The following CNTN1 variants were observed in gnomAD, a reference collection of about 807,000 sequenced individuals.
The protein encoded by CNTN1 is contactin 1, also known as contactin-1.
CNTN1 carries 38 observed loss-of-function variants against 126.4 expected under a neutral mutation model. The ratio of observed to expected loss-of-function variants is 0.30; its 90% CI spans 0.23 to 0.39. The LOEUF is 0.39. Among genes scored for constraint, CNTN1 ranks in the 10% least tolerant of loss-of-function variants. The probability of loss-of-function intolerance (pLI) is 1.00; values close to 1 mark genes in which losing one functional copy is unlikely to be tolerated. For missense variants in CNTN1, 1,009 were observed against 1,248.4 expected, an observed-to-expected ratio of 0.81 and a Z score of 2.89; for synonymous variants, 413 against 422.6, an observed-to-expected ratio of 0.98 and a Z score of 0.28.
At chr12:40,877,947 A>G (rs1943725643) in intron 1 of CNTN1, among the ~76,000 whole-genome samples, 1 of 141,884 alleles carries the variant, frequency 7.0e-6, no homozygotes, top group South Asian at 2.2e-4. Flanking sequence ...CCATCCTGCT[A>G]TCTTCACCTC....
chr12:40,884,645 CAAATA>C (rs1943971208), intron 1 of CNTN1, among the ~76,000 whole-genome samples: 4 of 151,460 alleles, frequency 2.6e-5, no homozygotes, highest in Admixed American at 2.6e-4. Flanking sequence ...CAAATTTTAT[CAAATA>C]AAATATATAT....
intron 1 of CNTN1, among the ~76,000 whole-genome samples, chr12:40,753,814 C>T (rs751874211): frequency 6.6e-6 from 1 of 152,006 alleles, no homozygotes; most frequent in East Asian, 1.9e-4. Context: ...ATTTTATAAC[C>T]TGCACATAGA....
chr12:41,051,466 T>C (rs1468104927), intron 23 of CNTN1, among the ~76,000 whole-genome samples: 1 of 152,056 alleles, frequency 6.6e-6, no homozygotes, highest in Non-Finnish European at 1.5e-5. Context: ...TGTGATCTTA[T>C]ATAATTAATT....
At chr12:40,791,847 G>A (rs906447583) in intron 1 of CNTN1, among the ~76,000 whole-genome samples, 1 of 152,094 alleles carries the variant, frequency 6.6e-6, no homozygotes, top group Admixed American at 6.6e-5. Context: ...CAATGATTGG[G>A]AGAGATGTTT....
intron 16 of CNTN1, 88 bp downstream of exon 16, chr12:40,981,155 C>A: frequency 1.6e-6 from 2 of 1,263,892 alleles, no homozygotes; most frequent in Non-Finnish European, 2.3e-6. Context: ...TTAAAAATGT[C>A]ATTATCTACC....
intron 1 of CNTN1, among the ~76,000 whole-genome samples, chr12:40,886,078 A>G (rs1565884654): frequency 6.6e-6 from 1 of 152,068 alleles, no homozygotes; most frequent in Non-Finnish European, 1.5e-5. Flanking sequence ...CTTAATGTTC[A>G]TATTTTATTT....
At chr12:40,732,427 A>G (rs1035364973) in intron 1 of CNTN1, among the ~76,000 whole-genome samples, 3 of 152,098 alleles carry the variant, frequency 2.0e-5, no homozygotes, top group Non-Finnish European at 1.5e-5. Flanking sequence ...TACATCAAAT[A>G]CATTTTACTG....
intron 1 of CNTN1, among the ~76,000 whole-genome samples, chr12:40,730,399 G>C (rs1403885212): frequency 6.6e-6 from 1 of 152,184 alleles, no homozygotes; most frequent in Non-Finnish European, 1.5e-5. Flanking sequence ...GAGTTCTAAA[G>C]TGTCTCCAGC....
At chr12:40,832,982 C>T (rs909244341) in intron 1 of CNTN1, among the ~76,000 whole-genome samples, 1 of 152,194 alleles carries the variant, frequency 6.6e-6, no homozygotes, top group Non-Finnish European at 1.5e-5. Context: ...TGCCTCCTGA[C>T]CAGCCCCAGT....
intron 1 of CNTN1, among the ~76,000 whole-genome samples, chr12:40,879,675 A>G (rs1307838871): frequency 6.6e-6 from 1 of 152,144 alleles, no homozygotes; most frequent in East Asian, 1.9e-4. Context: ...GGCTGAAATA[A>G]AAATATGCAT....
intron 1 of CNTN1, among the ~76,000 whole-genome samples, chr12:40,839,425 G>A (rs1942194024): frequency 6.6e-6 from 1 of 152,062 alleles, no homozygotes; most frequent in East Asian, 1.9e-4. Context: ...GATAAAAGAG[G>A]CTTAGCAATC....
intron 1 of CNTN1, among the ~76,000 whole-genome samples, chr12:40,876,212 C>T (rs1254644248): frequency 6.6e-6 from 1 of 150,974 alleles, no homozygotes; most frequent in African/African-American, 2.4e-5. Flanking sequence ...AAATTAATAT[C>T]TGTATGCAAC....
chr12:41,043,301 C>T (rs1471515326), intron 23 of CNTN1, among the ~76,000 whole-genome samples: 1 of 151,936 alleles, frequency 6.6e-6, no homozygotes, highest in East Asian at 1.9e-4. Context: ...AACAAATTTA[C>T]AAGAAAAAAA....
chr12:40,972,712 GATTA>G (rs1428473581), intron 15 of CNTN1: 6 of 932,564 alleles, frequency 6.4e-6, no homozygotes, highest in Non-Finnish European at 7.7e-6. Flanking sequence ...TAGAGATCCA[GATTA>G]ATTGCCATTT....
chr12:41,036,903 G>A (rs1344991016), intron 23 of CNTN1, among the ~76,000 whole-genome samples: 1 of 152,062 alleles, frequency 6.6e-6, no homozygotes, highest in Non-Finnish European at 1.5e-5. Flanking sequence ...ACAAATTTTT[G>A]TAGCATTTTG....
At chr12:40,955,973 G>A (rs371919820) in intron 14 of CNTN1, among the ~76,000 whole-genome samples, 1 of 152,040 alleles carries the variant, frequency 6.6e-6, no homozygotes, top group African/African-American at 2.4e-5. Context: ...TGGGGCACAG[G>A]AGTTAGGTGC....
intron 1 of CNTN1, among the ~76,000 whole-genome samples, chr12:40,862,177 C>T (rs1461429192): frequency 6.6e-6 from 1 of 151,108 alleles, no homozygotes; most frequent in African/African-American, 2.4e-5. Context: ...GCATTCCAGT[C>T]TGGGTGACAG....
intron 1 of CNTN1, among the ~76,000 whole-genome samples, chr12:40,906,587 T>G (rs117860514): frequency 0.032 from 4,825 of 152,176 alleles, 129 homozygotes; most frequent in Non-Finnish European, 0.053. Flanking sequence ...AGGATTTTAA[T>G]GTTGCTGTTT....
chr12:41,061,900 T>C (rs1442996160), intron 23 of CNTN1: 7 of 414,708 alleles, frequency 1.7e-5, no homozygotes, highest in African/African-American at 1.5e-4. Flanking sequence ...TCTTAAGCTG[T>C]CTTTTTTCTT....
Sources: allele counts gnomAD v4.1 joint callset (sites outside exome capture counted in the v4.1 genomes callset), GRCh38; gene constraint gnomAD v4.1.1; transcripts MANE v1.5; gene names NCBI Gene and HGNC (gene_info 2026-07-23, HGNC 2026-07-21).